PARP16: variants seen among roughly 807,000 people sequenced by gnomAD.
PARP16 encodes the protein poly(ADP-ribose) polymerase family member 16, also known as protein mono-ADP-ribosyltransferase PARP16.
A neutral mutation model predicts 35.0 loss-of-function variants in PARP16; 31 were observed. The ratio of observed to expected loss-of-function variants is 0.88; its 90% CI spans 0.66 to 1.19. PARP16 has a LOEUF of 1.19. Among genes scored for constraint, PARP16 ranks in the 50% most tolerant of loss-of-function variants. PARP16 has a pLI of 0.00. For missense variants in PARP16, 424 were observed against 411.2 expected, an observed-to-expected ratio of 1.03 and a Z score of -0.27; for synonymous variants, 162 against 169.5, an observed-to-expected ratio of 0.96 and a Z score of 0.34.
chr15:65,259,536 C>G lies in PARP16; in HGVS notation c.840G>C (p.Ser280=), dbSNP rs780736427. Reference sequence around the variant, plus strand: ...GGCTGGAAAACCAGGAGAGCTGGCTCGAAGCCCTGCTTAAGAGGGAAAAAA... The same window carrying G: ...GGCTGGAAAACCAGGAGAGCTGGCTGGAAGCCCTGCTTAAGAGGGAAAAAA... The part of the protein sequence containing the change: ...VYSQKPPKRA[S]SQLSWFSSHW... The change falls in exon 6 of 6, where the codon TCG becomes TCC. Residue 280 remains serine, a synonymous_variant. Transcript: ENST00000649807. The G allele has an allele frequency of 3.7e-6, 6 of 1,613,846 alleles. No individual in the cohort carries two copies. Among genetic ancestry groups the G allele is most frequent in the African/African-American group, 1.3e-5 (1 of 74,894 alleles).
downstream of PARP16, among the ~76,000 whole-genome samples, chr15:65,254,211 A>G (rs907592072): frequency 2.4e-4 from 37 of 152,224 alleles, no homozygotes; most frequent in African/African-American, 7.5e-4. Context: ...GGGCTGCAGT[A>G]TATGGACACT....
At chr15:65,265,798 C>G (rs11632043) in intron 3 of PARP16, among the ~76,000 whole-genome samples, 35,464 of 152,172 alleles carry the variant, frequency 0.23, 4,401 homozygotes, top group Middle Eastern at 0.3. Context: ...CACAGTGGAG[C>G]TAGGGTTGGC....
chr15:65,254,877 A>G (rs1174566626), downstream of PARP16, among the ~76,000 whole-genome samples: 1 of 151,868 alleles, frequency 6.6e-6, no homozygotes, highest in Non-Finnish European at 1.5e-5. Flanking sequence ...CCCCTATTCT[A>G]CCTCTCTCTC....
At chr15:65,240,584 AT>A (rs915165653) in intron 3 of PARP16, among the ~76,000 whole-genome samples, 3 of 151,778 alleles carry the variant, frequency 2.0e-5, no homozygotes, top group East Asian at 1.9e-4. Context: ...TTGTATCAGT[AT>A]TTTTTTTATT....
At chr15:65,235,665 C>G (rs999428400) in intron 3 of PARP16, among the ~76,000 whole-genome samples, 6 of 149,238 alleles carry the variant, frequency 4.0e-5, no homozygotes, top group African/African-American at 1.5e-4. Context: ...AAAAATTAGC[C>G]GGGCATGGTG....
intron 2 of PARP16, chr15:65,248,309 T>G (rs979264118): frequency 2.0e-5 from 9 of 456,130 alleles, no homozygotes; most frequent in Non-Finnish European, 4.0e-5. Flanking sequence ...AATGAGTGAA[T>G]GAATGCTTCT....
At chr15:65,281,815 G>C (rs1013353767) in intron 1 of PARP16, among the ~76,000 whole-genome samples, 4 of 152,128 alleles carry the variant, frequency 2.6e-5, no homozygotes, top group African/African-American at 9.7e-5. Context: ...CTAAAGCCAA[G>C]AGCTTGGTTC....
rs570993505 is a variant in PARP16 at position 65,266,239 on chromosome 15, G to A, written c.519+323C>T. ...TGGGATTTTTAAAAGCTCCCCGAGTGATTCTAAATATGCAGCCAAGGTCGG... is the reference window on the plus strand; with the variant it reads ...TGGGATTTTTAAAAGCTCCCCGAGTAATTCTAAATATGCAGCCAAGGTCGG... On this transcript the variant is annotated intron_variant, in intron 3 of 5. Coordinates refer to ENST00000649807, the MANE Select transcript of PARP16 (RefSeq NM_001316943.2). 2.6e-5 allele frequency among the ~76,000 whole-genome samples: 4 copies of A among 152,316 alleles called. No individual in the cohort carries two copies. The East Asian group carries it at 7.7e-4, about 29-fold the overall frequency.
At chr15:65,243,282 G>A (rs1365001388) in intron 3 of PARP16, among the ~76,000 whole-genome samples, 2 of 151,530 alleles carry the variant, frequency 1.3e-5, no homozygotes, top group Non-Finnish European at 2.9e-5. Flanking sequence ...GAGTAGGTCT[G>A]GCTCTGTTGC....
chr15:65,247,950 G>A (rs939319474), intron 3 of PARP16, among the ~76,000 whole-genome samples: 3 of 151,930 alleles, frequency 2.0e-5, no homozygotes, highest in Non-Finnish European at 2.9e-5. Flanking sequence ...GACTACAGGC[G>A]TCCGCCACCA....
At chr15:65,269,808 A>T (rs2090037449) in intron 2 of PARP16, among the ~76,000 whole-genome samples, 1 of 152,202 alleles carries the variant, frequency 6.6e-6, no homozygotes, top group African/African-American at 2.4e-5. Flanking sequence ...CACAATCAAA[A>T]GTCTAGGAGC....
chr15:65,253,494 CTAAT>C (rs2089416118), downstream of PARP16, among the ~76,000 whole-genome samples: 1 of 151,458 alleles, frequency 6.6e-6, no homozygotes, highest in Admixed American at 6.6e-5. Flanking sequence ...CTACGCCCGG[CTAAT>C]TTTTTGTATT....
intron 1 of PARP16, among the ~76,000 whole-genome samples, chr15:65,272,262 T>C (rs1381438305): frequency 1.6e-4 from 25 of 152,230 alleles, no homozygotes; most frequent in Admixed American, 1.6e-3. Context: ...TGATGTCCCG[T>C]GGGACCTGTG....
intron 2 of PARP16, among the ~76,000 whole-genome samples, chr15:65,269,323 C>A (rs1055046735): frequency 6.6e-6 from 1 of 152,090 alleles, no homozygotes; most frequent in East Asian, 1.9e-4. Context: ...CAGCCTCCCA[C>A]GTAGCTGGGA....
At chr15:65,259,926 G>C (rs1167303075) in intron 5 of PARP16, among the ~76,000 whole-genome samples, 1 of 152,198 alleles carries the variant, frequency 6.6e-6, no homozygotes. Context: ...GACACATGCA[G>C]ATATAAATCC....
At chr15:65,269,715 G>A (rs754306938) in intron 2 of PARP16, among the ~76,000 whole-genome samples, 3 of 152,146 alleles carry the variant, frequency 2.0e-5, no homozygotes, top group Non-Finnish European at 4.4e-5. Flanking sequence ...TACATGGTAG[G>A]CTAACATACT....
intron 1 of PARP16, chr15:65,285,586 A>G (rs1009611758): frequency 4.6e-5 from 14 of 306,202 alleles, no homozygotes; most frequent in South Asian, 1.7e-4. Flanking sequence ...CCAAAGATAC[A>G]TGGAGTTCAG....
chr15:65,255,537 C>T (rs1017643425), downstream of PARP16, among the ~76,000 whole-genome samples: 1 of 151,928 alleles, frequency 6.6e-6, no homozygotes, highest in African/African-American at 2.4e-5. Context: ...CACTCGAACC[C>T]TCTAGACTCC....
chr15:65,272,383 G>A (rs548236833), intron 1 of PARP16, among the ~76,000 whole-genome samples: 1 of 152,330 alleles, frequency 6.6e-6, no homozygotes, highest in East Asian at 1.9e-4. Flanking sequence ...AGGGACTGGG[G>A]ACTTGGACTA....
Sources: allele counts gnomAD v4.1 joint callset (sites outside exome capture counted in the v4.1 genomes callset), GRCh38; gene constraint gnomAD v4.1.1; transcripts MANE v1.5; gene names NCBI Gene and HGNC (gene_info 2026-07-23, HGNC 2026-07-21).